Variants in SMR3B observed in about 807,000 individuals in gnomAD.
The protein encoded by SMR3B is submaxillary gland androgen-regulated protein 3B.
For synonymous variants in SMR3B, 42 were observed against 36.1 expected (o/e 1.16, Z -0.59); for missense variants, 114 against 99.9 (o/e 1.14, Z -0.60).
intron 2 of SMR3B, among the ~76,000 whole-genome samples, chr4:70,386,682 T>C (rs1013413705): frequency 1.3e-5 from 2 of 152,204 alleles, no homozygotes; most frequent in Non-Finnish European, 2.9e-5. Flanking sequence ...ATCAATGTGA[T>C]TGGGTATACT....
chr4:70,386,304 A>G (rs1340005400), intron 2 of SMR3B, among the ~76,000 whole-genome samples: 1 of 151,586 alleles, frequency 6.6e-6, no homozygotes, highest in African/African-American at 2.4e-5. Flanking sequence ...AGAAAAAGAT[A>G]GTTTTCTGAT....
chr4:70,388,273 A>AT (rs33968422), intron 2 of SMR3B, among the ~76,000 whole-genome samples: 75,111 of 150,512 alleles, frequency 0.5, 19,138 homozygotes, highest in Middle Eastern at 0.66. Context: ...CTTTTCAGCT[A>AT]TTTTTTTTTT....
At chr4:70,384,374 A>G in intron 1 of SMR3B, 123 bp from the exon 2 acceptor site, 1 of 1,488,326 alleles carries the variant, frequency 6.7e-7, no homozygotes, top group Non-Finnish European at 9.0e-7. Flanking sequence ...AACATTAGGC[A>G]AATTCCCTAA....
At chr4:70,383,357 G>T (rs1182210668) in intron 1 of SMR3B, 145 bp downstream of exon 1, 1 of 152,028 alleles carries the variant, frequency 6.6e-6, no homozygotes, top group African/African-American at 2.4e-5. Flanking sequence ...ACATGAAATT[G>T]TAAGTCATTA....
intron 1 of SMR3B, 63 bp downstream of exon 1, chr4:70,383,275 T>C (rs893828736): frequency 6.6e-6 from 1 of 152,154 alleles, no homozygotes; most frequent in African/African-American, 2.4e-5. Flanking sequence ...TTCTCAAAGA[T>C]AACATTTTCA....
At chr4:70,388,239 T>G (rs1421929813) in intron 2 of SMR3B, among the ~76,000 whole-genome samples, 1 of 152,060 alleles carries the variant, frequency 6.6e-6, no homozygotes, top group Non-Finnish European at 1.5e-5. Flanking sequence ...CTTTAACTCC[T>G]TAATGTATTT....
rs1235460027 is a variant in SMR3B at position 70,390,182 on chromosome 4, G to GA, written c.*340dup. 2.1e-5 allele frequency: 13 copies of GA among 605,392 alleles called. No individual in the cohort carries two copies. The highest frequency in any genetic ancestry group is 3.7e-5 in the African/African-American group (2 of 53,854). 37.5% of individuals were successfully genotyped at this position (605,392 alleles called of 1,614,324 possible). ...GAAATAATCTTAGAAAGAAATTGTAGAAAAAACCCATGCAGACATAACATT... is the reference window on the plus strand; with the variant it reads ...GAAATAATCTTAGAAAGAAATTGTAGAAAAAAACCCATGCAGACATAACATT... On this transcript the variant is annotated 3_prime_UTR_variant, in exon 3 of 3. Coordinates refer to ENST00000304915, the MANE Select transcript of SMR3B (RefSeq NM_006685.4).
At chr4:70,385,384 T>A (rs905403855) in intron 2 of SMR3B, among the ~76,000 whole-genome samples, 2 of 150,118 alleles carry the variant, frequency 1.3e-5, no homozygotes, top group African/African-American at 4.9e-5. Context: ...AATAATTCCT[T>A]TTTCATCTAC....
At chr4:70,388,690 A>G (rs1275090563) in intron 2 of SMR3B, among the ~76,000 whole-genome samples, 1 of 152,128 alleles carries the variant, frequency 6.6e-6, no homozygotes, top group African/African-American at 2.4e-5. Flanking sequence ...GATCATATTT[A>G]TCCTGCCTTG....
At chr4:70,389,566 G>A (rs1732723481) in intron 2 of SMR3B, 97 bp from the exon 3 acceptor site, 4 of 1,269,344 alleles carry the variant, frequency 3.2e-6, no homozygotes, top group Non-Finnish European at 1.1e-6. Context: ...AGAAATCTTG[G>A]GGCCATCTCA....
intron 1 of SMR3B, among the ~76,000 whole-genome samples, chr4:70,383,685 T>C (rs1419788140): frequency 1.3e-5 from 2 of 152,164 alleles, no homozygotes; most frequent in African/African-American, 4.8e-5. Context: ...ATTTTGTCCA[T>C]AGGATTCTTT....
At chr4:70,388,523 A>G (rs1732706467) in intron 2 of SMR3B, among the ~76,000 whole-genome samples, 1 of 152,140 alleles carries the variant, frequency 6.6e-6, no homozygotes. Context: ...GACAATAACA[A>G]CAGGAGGTGG....
At chr4:70,383,467 T>C (rs1732593388) in intron 1 of SMR3B, among the ~76,000 whole-genome samples, 1 of 152,150 alleles carries the variant, frequency 6.6e-6, no homozygotes, top group African/African-American at 2.4e-5. Flanking sequence ...CACAATTGAC[T>C]TTTCCTCCTG....
rs1187434857 is a variant in SMR3B at position 70,389,923 on chromosome 4, T to C, written c.*75T>C. The stretch of plus-strand genomic sequence containing the variant: ...GACCAAGACCCTATCCACCTGGACC[T>C]CCATTTTTCCCTGTAAATTCTCCAA... On this transcript the variant is annotated 3_prime_UTR_variant, in exon 3 of 3. Coordinates refer to ENST00000304915, the MANE Select transcript of SMR3B (RefSeq NM_006685.4). The C allele has an allele frequency of 2.5e-6, 4 of 1,604,822 alleles. No homozygotes were observed. Among genetic ancestry groups the C allele is most frequent in the Non-Finnish European group, 3.4e-6 (4 of 1,171,908 alleles).
chr4:70,389,952 A>C lies in SMR3B; in HGVS notation c.*104A>C, dbSNP rs1163917264. ...TTTTTCCCTGTAAATTCTCCAACTG[A>C]TCCTACCCTCCCTACTCCTGCACCC... is the stretch of plus-strand genomic sequence containing the variant. On this transcript the variant is annotated 3_prime_UTR_variant, in exon 3 of 3. Transcript: ENST00000304915. 2 of 1,592,828 alleles carry C rather than the reference A, an allele frequency of 1.3e-6. No individual in the cohort carries two copies. Among genetic ancestry groups the C allele is most frequent in the Non-Finnish European group, 1.7e-6 (2 of 1,161,032 alleles).
At chr4:70,389,016 G>A (rs73824669) in intron 2 of SMR3B, among the ~76,000 whole-genome samples, 4 of 152,074 alleles carry the variant, frequency 2.6e-5, no homozygotes, top group East Asian at 1.9e-4. Flanking sequence ...GAGAGCCTAC[G>A]TATTCAGAAA....
intron 1 of SMR3B, among the ~76,000 whole-genome samples, chr4:70,384,267 C>A (rs1732616230): frequency 6.6e-6 from 1 of 152,148 alleles, no homozygotes; most frequent in Admixed American, 6.5e-5. Context: ...TCCCCAGGAT[C>A]AGTTTACAAG....
intron 2 of SMR3B, among the ~76,000 whole-genome samples, chr4:70,387,230 T>C (rs28550514): frequency 0.24 from 36,908 of 152,164 alleles, 5,010 homozygotes; most frequent in East Asian, 0.37. Flanking sequence ...CTTTTGCAAA[T>C]GATCTATTTA....
At chr4:70,384,023 T>C (rs1485051737) in intron 1 of SMR3B, among the ~76,000 whole-genome samples, 1 of 151,840 alleles carries the variant, frequency 6.6e-6, no homozygotes, top group Non-Finnish European at 1.5e-5. Context: ...TCCTTTTTTT[T>C]TTCCTTATTT....
Sources: gnomAD v4.1 joint callset for allele counts (sites outside exome capture counted in the v4.1 genomes callset) on GRCh38, gnomAD v4.1.1 for gene constraint, MANE v1.5 for transcripts, NCBI Gene and HGNC (gene_info 2026-07-23, HGNC 2026-07-21) for gene names.